TRIM23: variants seen among roughly 807,000 people sequenced by gnomAD.
TRIM23 encodes tripartite motif containing 23, also known as E3 ubiquitin-protein ligase TRIM23.
Under a neutral mutation model 71.0 loss-of-function variants are expected in TRIM23, and 27 were observed. That is an observed-to-expected ratio of 0.38 (90% CI 0.28 to 0.52). TRIM23 has a LOEUF of 0.52. TRIM23 is among the 20% of genes least tolerant of loss of function. The pLI is 0.84. For missense variants in TRIM23, 482 were observed against 692.3 expected (o/e 0.70, Z 3.41); for synonymous variants, 234 against 238.0 (o/e 0.98, Z 0.16).
At chr5:65,615,097 C>T (rs932939137) in intron 2 of TRIM23, among the ~76,000 whole-genome samples, 4 of 151,860 alleles carry the variant, frequency 2.6e-5, no homozygotes, top group Non-Finnish European at 5.9e-5. Flanking sequence ...GATGGGGTTT[C>T]GCCATGCTGG....
intron 10 of TRIM23, 85 bp downstream of exon 10, chr5:65,594,436 C>CT: frequency 6.9e-7 from 1 of 1,448,046 alleles, no homozygotes; most frequent in Non-Finnish European, 9.3e-7. Context: ...ATCTATTGAA[C>CT]TGATTGTCTT....
intron 5 of TRIM23, among the ~76,000 whole-genome samples, chr5:65,610,462 T>C (rs1233663882): frequency 6.6e-6 from 1 of 152,248 alleles, no homozygotes; most frequent in African/African-American, 2.4e-5. Flanking sequence ...TCTTTAAGTC[T>C]CTACAATATG....
At chr5:65,596,587 T>C in intron 8 of TRIM23, 56 bp from the exon 9 acceptor site, 2 of 1,051,422 alleles carry the variant, frequency 1.9e-6, no homozygotes, top group Non-Finnish European at 2.9e-6. Flanking sequence ...ATGAATGACA[T>C]ATCAAACACA....
chr5:65,608,450 A>G (rs2150633180), intron 6 of TRIM23, among the ~76,000 whole-genome samples: 1 of 152,224 alleles, frequency 6.6e-6, no homozygotes, highest in African/African-American at 2.4e-5. Flanking sequence ...TAGACTGGCC[A>G]CTCTCATGTA....
chr5:65,601,926 G>A (rs1453952744), intron 7 of TRIM23, among the ~76,000 whole-genome samples: 2 of 152,150 alleles, frequency 1.3e-5, no homozygotes, highest in African/African-American at 4.8e-5. Context: ...ACAGCATGGG[G>A]ACCCTGGGCC....
chr5:65,613,696 A>G, intron 3 of TRIM23: 1 of 1,152,512 alleles, frequency 8.7e-7, no homozygotes, highest in Non-Finnish European at 1.1e-6. Context: ...TCTTTAAGGC[A>G]TTTTCCCCTC....
At chr5:65,622,300 G>C (rs1322365451) in intron 1 of TRIM23, among the ~76,000 whole-genome samples, 1 of 152,056 alleles carries the variant, frequency 6.6e-6, no homozygotes, top group South Asian at 2.1e-4. Flanking sequence ...TGAGTAACTG[G>C]GATTAACAGG....
intron 7 of TRIM23, among the ~76,000 whole-genome samples, chr5:65,599,585 C>A (rs759714986): frequency 2.6e-5 from 4 of 152,086 alleles, no homozygotes; most frequent in Non-Finnish European, 5.9e-5. Flanking sequence ...ACAAATATTG[C>A]TAAAATAAAT....
intron 3 of TRIM23, chr5:65,613,846 C>T: frequency 7.2e-7 from 1 of 1,387,264 alleles, no homozygotes; most frequent in Middle Eastern, 1.9e-4. Flanking sequence ...TCACTTTATT[C>T]TTGGTAGAAC....
At chr5:65,595,891 G>A (rs1754188844) in intron 9 of TRIM23, among the ~76,000 whole-genome samples, 1 of 152,116 alleles carries the variant, frequency 6.6e-6, no homozygotes, top group Non-Finnish European at 1.5e-5. Flanking sequence ...CAGAAGTGTA[G>A]AGTAAGACCC....
chr5:65,597,598 C>T (rs1225587984), intron 7 of TRIM23, among the ~76,000 whole-genome samples: 4 of 151,060 alleles, frequency 2.6e-5, no homozygotes, highest in Admixed American at 2.0e-4. Context: ...TACTGGCCAA[C>T]ATACACAAAC....
At chr5:65,616,632 A>T (rs1754785305) in intron 2 of TRIM23, among the ~76,000 whole-genome samples, 1 of 123,990 alleles carries the variant, frequency 8.1e-6, no homozygotes, top group Non-Finnish European at 1.7e-5. Flanking sequence ...ACGGAGTAAC[A>T]CTCTGCTTTA....
intron 3 of TRIM23, 191 bp downstream of exon 3, chr5:65,613,907 T>A: frequency 1.3e-6 from 2 of 1,491,180 alleles, no homozygotes; most frequent in Non-Finnish European, 1.8e-6. Flanking sequence ...AGTTTAGGCA[T>A]AGGATTTTCA....
chr5:65,595,853 C>T lies in TRIM23; in HGVS notation c.1420+568G>A, dbSNP rs558501766. Among the ~76,000 whole-genome samples the T allele has an allele frequency of 3.5e-4, 53 of 152,088 alleles. 1 individual carries two copies. The highest frequency in any genetic ancestry group is 1.2e-3 in the African/African-American group (49 of 41,506). On this transcript the variant is annotated intron_variant, in intron 9 of 10. Coordinates refer to ENST00000231524, the MANE Select transcript of TRIM23 (RefSeq NM_001656.4). ...TAACATACAGAATAAGCGGCATGAG[C>T]GTAAGCATTATGTTGGGGTCTATGA...
rs773006159 is a variant in TRIM23 at position 65,611,875 on chromosome 5, T to C, written c.373A>G (p.Ile125Val). The C allele has an allele frequency of 3.1e-6, 5 of 1,607,788 alleles. No homozygotes were observed. Among genetic ancestry groups the C allele is most frequent in the African/African-American group, 2.7e-5 (2 of 74,790 alleles). The change falls in exon 4 of 11, where the codon ATT becomes GTT. Residue 125 changes from isoleucine (I) to valine (V), a missense_variant. Physicochemically the swap from Ile to Val is conservative, Grantham distance 29 (BLOSUM62 3). This residue lies in a region of TRIM23 where 175 missense variants were observed against 196.5 expected (regional missense o/e 0.89). Transcript: ENST00000231524. ...TGAGCTTCATCTTCATCACAACGAA[T>C]GATGCTCTGATAAACAAAAAATTAA... ...ESIGISGESI[I>V]RCDEDEAHLA...
intron 3 of TRIM23, chr5:65,613,756 T>C (rs1754711649): frequency 8.2e-7 from 1 of 1,224,076 alleles, no homozygotes; most frequent in Non-Finnish European, 1.0e-6. Flanking sequence ...CATTGAGTTT[T>C]ACTGTTGACT....
At chr5:65,619,287 G>A (rs905760688) in intron 1 of TRIM23, among the ~76,000 whole-genome samples, 18 of 152,052 alleles carry the variant, frequency 1.2e-4, no homozygotes, top group South Asian at 2.1e-4. Context: ...TGTCCTTTGG[G>A]CCCCGATGTA....
At chr5:65,592,076 T>C (rs1754054707) in intron 10 of TRIM23, 128 bp from the exon 11 acceptor site, 1 of 875,272 alleles carries the variant, frequency 1.1e-6, no homozygotes, top group Non-Finnish European at 1.7e-6. Context: ...TAGATTCATC[T>C]TTCAGTAATT....
chr5:65,618,155 G>A lies in TRIM23; in HGVS notation c.182C>T (p.Thr61Ile). 1.2e-6 allele frequency: 2 copies of A among 1,614,076 alleles called. No homozygotes were observed. Among genetic ancestry groups the A allele is most frequent in the Non-Finnish European group, 1.7e-6 (2 of 1,179,990 alleles). Residue 61 changes from threonine (T) to isoleucine (I), a missense_variant, in exon 2 of 11, where the codon ACT becomes ATT. Coordinates refer to ENST00000231524, the MANE Select transcript of TRIM23 (RefSeq NM_001656.4). The stretch of plus-strand genomic sequence containing the variant: ...TGCTCTTCCATGAAGAGGTAGGCGA[G>A]TGAGACAGTCATGACAGACGGTATG... ...CGHTVCHDCLTRLPLHGRAIR... is the reference protein window; with the variant it reads ...CGHTVCHDCLIRLPLHGRAIR...
Sources: allele counts gnomAD v4.1 joint callset (sites outside exome capture counted in the v4.1 genomes callset), GRCh38; gene constraint gnomAD v4.1.1; regional missense constraint gnomAD v4.1.1; transcripts MANE v1.5; gene names NCBI Gene and HGNC (gene_info 2026-07-23, HGNC 2026-07-21).